The following TSPAN1 variants were observed in gnomAD, a reference collection of about 807,000 sequenced individuals.
TSPAN1 encodes tetraspanin 1.
Under a neutral mutation model 26.9 loss-of-function variants are expected in TSPAN1, and 23 were observed. That is an observed-to-expected ratio of 0.85 (90% confidence interval 0.62 to 1.21). The LOEUF (loss-of-function observed/expected upper bound fraction) is 1.21. Ranked by LOEUF, TSPAN1 falls within the 50% of genes most tolerant of loss-of-function variation. The pLI, the probability that TSPAN1 is intolerant of heterozygous loss-of-function variation, is 0.00. For synonymous variants in TSPAN1, 115 were observed against 114.8 expected (o/e 1.00, Z -0.01); for missense variants, 283 against 298.4 (o/e 0.95, Z 0.38).
the TSPAN1 span, chr1:46,191,665 C>T: frequency 1.1e-5 from 3 of 266,380 alleles, no homozygotes; most frequent in South Asian, 4.4e-5. Context: ...GATGGAGTCT[C>T]GCTCTGTCAC....
At chr1:46,179,512 A>G (rs1182571041) in intron 1 of TSPAN1, among the ~76,000 whole-genome samples, 1 of 152,132 alleles carries the variant, frequency 6.6e-6, no homozygotes, top group Non-Finnish European at 1.5e-5. Context: ...CAAGTCTAAG[A>G]AAAGTCCCCA....
At chr1:46,184,440 C>G in intron 4 of TSPAN1, 43 bp downstream of exon 4, 1 of 1,612,978 alleles carries the variant, frequency 6.2e-7, no homozygotes, top group South Asian at 1.1e-5. Flanking sequence ...CAAGAGTCCC[C>G]TCGCCCTTGA....
At position 46,185,734 on chromosome 1, in the gene TSPAN1, T is replaced by G. The variant is rs1010896826; in HGVS notation, c.*201T>G. The G allele has an allele frequency of 7.9e-6, 5 of 634,074 alleles. No individual in the cohort carries two copies. The African/African-American group carries it at 9.2e-5, about 12-fold the overall frequency. 39.3% of individuals were successfully genotyped at this position (634,074 alleles called of 1,614,324 possible). On this transcript the variant is annotated 3_prime_UTR_variant, in exon 9 of 9. Transcript: ENST00000372003. ...GCCTGACTTTCCTTCCATTGGTGGG[T>G]GGATGGGTGGGGGGCATTCCAGAGC...
the TSPAN1 span, chr1:46,193,549 C>T: frequency 1.2e-6 from 2 of 1,614,096 alleles, no homozygotes; most frequent in Non-Finnish European, 1.7e-6. Context: ...GAGGCACCCC[C>T]CAAGTCCTGC....
chr1:46,183,782 C>G (rs572092768), intron 3 of TSPAN1: 72 of 274,644 alleles, frequency 2.6e-4, no homozygotes, highest in African/African-American at 1.5e-3. Flanking sequence ...GCCTGTTCTG[C>G]TACCACCCCC....
At chr1:46,193,808 A>G in the TSPAN1 span, 1 of 1,611,318 alleles carries the variant, frequency 6.2e-7, no homozygotes, top group South Asian at 1.1e-5. Context: ...TAGATGACCT[A>G]AGCACCCTCC....
the TSPAN1 span, chr1:46,192,979 C>A: frequency 1.2e-6 from 2 of 1,613,594 alleles, no homozygotes; most frequent in South Asian, 2.2e-5. Flanking sequence ...AATGGGACAT[C>A]ATGGTCCCAA....
the TSPAN1 span, among the ~76,000 whole-genome samples, chr1:46,196,302 T>C: frequency 2.6e-5 from 4 of 152,178 alleles, no homozygotes; most frequent in Non-Finnish European, 5.9e-5. This position sits in a 1 kb window ranked among gnomAD's most constrained non-coding sequence, Gnocchi z 4.4. Flanking sequence ...CCTCCATGAC[T>C]TTCATGGCTC....
chr1:46,192,476 C>T, the TSPAN1 span: 3 of 1,614,000 alleles, frequency 1.9e-6, no homozygotes, highest in Non-Finnish European at 2.5e-6. Flanking sequence ...TTAGCTGAGG[C>T]CTCATAAACT....
chr1:46,183,583 C>G (rs1657358823), intron 3 of TSPAN1: 1 of 165,546 alleles, frequency 6.0e-6, no homozygotes, highest in Non-Finnish European at 1.3e-5. Context: ...GGCTGTATTC[C>G]CACTGGTACC....
intron 1 of TSPAN1, among the ~76,000 whole-genome samples, chr1:46,180,043 CTGT>C (rs1657279722): frequency 6.6e-6 from 1 of 151,666 alleles, no homozygotes; most frequent in Admixed American, 6.5e-5. Flanking sequence ...AGATATTATT[CTGT>C]TGTTTGTTAG....
chr1:46,181,045 GC>G lies in TSPAN1; in HGVS notation c.-8-52del, dbSNP rs1047188318. The G allele has an allele frequency of 4.6e-5, 71 of 1,537,318 alleles. 1 individual carries two copies. Among genetic ancestry groups the G allele is most frequent in the Non-Finnish European group, 5.6e-5 (62 of 1,113,630 alleles). On this transcript the variant is annotated intron_variant, in intron 2 of 8. Coordinates refer to ENST00000372003, the MANE Select transcript of TSPAN1 (RefSeq NM_005727.4). The stretch of plus-strand genomic sequence containing the variant: ...GGCTGAATATCTGAAGCCAGGGCCA[GC>G]CCAGGTGGGCCCAGGGGAAACAAGG...
chr1:46,188,652 CT>C (rs956024916), downstream of TSPAN1: 22 of 1,556,490 alleles, frequency 1.4e-5, no homozygotes, highest in African/African-American at 1.2e-4. Flanking sequence ...CAGCACCCCC[CT>C]GACACACAAA....
the TSPAN1 span, chr1:46,192,510 C>T: frequency 3.5e-5 from 57 of 1,614,158 alleles, no homozygotes; most frequent in Non-Finnish European, 4.4e-5. Context: ...CTGGTCATTC[C>T]AGCCTACCTG....
chr1:46,193,911 CTTG>C, the TSPAN1 span: 1 of 1,614,038 alleles, frequency 6.2e-7, no homozygotes, highest in Admixed American at 1.7e-5. Flanking sequence ...CATTGAGGAC[CTTG>C]TTGTCTGGGA....
At chr1:46,193,942 G>A in the TSPAN1 span, 19 of 1,613,738 alleles carry the variant, frequency 1.2e-5, no homozygotes, top group African/African-American at 4.0e-5. Context: ...GAGAAATAGC[G>A]TTTAGCTCTT....
rs1291516246 is a variant in TSPAN1, at chr1:46,185,473, C to G, written c.679-13C>G. ...TCATGTTCCCTCATCTCTCCCTGTT[C>G]CTCCCTCTCCAGCTGGCTGCCATGA... On this transcript the variant is annotated splice_polypyrimidine_tract_variant and intron_variant, in intron 8 of 8. Coordinates refer to ENST00000372003, the MANE Select transcript of TSPAN1 (RefSeq NM_005727.4). The G allele has an allele frequency of 6.2e-7, 1 of 1,614,148 alleles. No individual in the cohort carries two copies.
At chr1:46,188,602 C>T (rs1481631986), downstream of TSPAN1, 4 of 1,479,980 alleles carry the variant, frequency 2.7e-6, no homozygotes, top group Non-Finnish European at 3.6e-6. Flanking sequence ...GTAAGGAAAA[C>T]TCACCATCCA....
the TSPAN1 span, chr1:46,194,736 A>G: frequency 1.2e-6 from 2 of 1,613,888 alleles, no homozygotes; most frequent in East Asian, 4.5e-5. Context: ...CTTTCATCCA[A>G]CCCACTGCCA....
Sources: allele counts gnomAD v4.1 joint callset (sites outside exome capture counted in the v4.1 genomes callset), GRCh38; gene constraint gnomAD v4.1.1; non-coding constraint Gnocchi (gnomAD v3.1); transcripts MANE v1.5; gene names NCBI Gene and HGNC (gene_info 2026-07-23, HGNC 2026-07-21).